NPAS3: variants seen among roughly 807,000 people sequenced by gnomAD.
NPAS3 encodes neuronal PAS domain-containing protein 3.
Under a neutral mutation model 73.1 loss-of-function variants are expected in NPAS3, and 14 were observed. That is an observed-to-expected ratio of 0.19 (90% CI 0.13 to 0.30). The LOEUF (loss-of-function observed/expected upper bound fraction) is 0.30, where lower values mean the gene tolerates loss of function less well. Ranked by LOEUF, NPAS3 falls within the 10% of genes least tolerant of loss-of-function variation. NPAS3 has a pLI of 1.00. For synonymous variants in NPAS3, 620 were observed against 541.5 expected (o/e 1.14, Z -2.01); for missense variants, 1,096 against 1,250.0 (o/e 0.88, Z 1.86).
At chr14:33,000,082 G>C (rs748072392) in intron 1 of NPAS3, among the ~76,000 whole-genome samples, 5 of 152,184 alleles carry the variant, frequency 3.3e-5, no homozygotes, top group Non-Finnish European at 5.9e-5. Flanking sequence ...ATGCCATATG[G>C]AGTTGAGTTT....
chr14:33,163,855 A>G (rs1468596545), intron 2 of NPAS3, among the ~76,000 whole-genome samples: 2 of 152,190 alleles, frequency 1.3e-5, no homozygotes, highest in Non-Finnish European at 2.9e-5. Context: ...CAGAGCTAAT[A>G]CTGAGCTGTT....
intron 5 of NPAS3, among the ~76,000 whole-genome samples, chr14:33,672,154 G>C (rs933290373): frequency 1.3e-5 from 2 of 152,150 alleles, no homozygotes; most frequent in African/African-American, 4.8e-5. Context: ...AGTGGGTTAT[G>C]AAAGACAGAC....
chr14:33,228,687 G>A (rs533437788), intron 3 of NPAS3, among the ~76,000 whole-genome samples: 3 of 152,182 alleles, frequency 2.0e-5, no homozygotes, highest in Admixed American at 2.0e-4. Flanking sequence ...GGGGAAAAAA[G>A]CGAACCATCT....
chr14:33,396,848 A>G (rs2047245253), intron 4 of NPAS3, among the ~76,000 whole-genome samples: 1 of 152,120 alleles, frequency 6.6e-6, no homozygotes, highest in African/African-American at 2.4e-5. Flanking sequence ...TGTCCATGAA[A>G]ACTAGCTCTA....
chr14:32,938,467 G>GAAAT (rs1305801220), upstream of NPAS3, among the ~76,000 whole-genome samples: 1 of 123,908 alleles, frequency 8.1e-6, no homozygotes, highest in Non-Finnish European at 1.8e-5. Flanking sequence ...AAGAGAGAGA[G>GAAAT]AGAGAGAGAG....
At position 33,163,138 on chromosome 14, in the gene NPAS3, T is replaced by C. The variant is rs138123398; in HGVS notation, c.141-52044T>C. Among the ~76,000 whole-genome samples, 5 of 152,376 alleles carry C rather than the reference T, an allele frequency of 3.3e-5. No individual in the cohort carries two copies. The East Asian group carries it at 9.6e-4, about 29-fold the overall frequency. Reference sequence around the variant, plus strand: ...ATTCATTATTTAATCTTATTTTGCTTTGTTCAGACAAGCTATCTGGGCTAT... The same window carrying C: ...ATTCATTATTTAATCTTATTTTGCTCTGTTCAGACAAGCTATCTGGGCTAT... On this transcript the variant is annotated intron_variant, in intron 2 of 11. Transcript: ENST00000356141.
At chr14:33,171,346 T>G (rs139283355) in intron 2 of NPAS3, among the ~76,000 whole-genome samples, 2 of 152,198 alleles carry the variant, frequency 1.3e-5, no homozygotes, top group East Asian at 3.8e-4. Context: ...TTAATGGCCC[T>G]AGGATTTTCA....
intron 2 of NPAS3, among the ~76,000 whole-genome samples, chr14:33,059,487 G>A (rs1347020974): frequency 3.9e-5 from 6 of 152,108 alleles, no homozygotes; most frequent in African/African-American, 1.4e-4. Context: ...GGTATATAGT[G>A]TTTTAAAAAA....
downstream of NPAS3, chr14:33,801,150 G>T: frequency 6.5e-7 from 1 of 1,540,734 alleles, no homozygotes. Flanking sequence ...CCGCTTGGAG[G>T]AGGCATCGTC....
intron 3 of NPAS3, among the ~76,000 whole-genome samples, chr14:33,338,718 AT>A (rs1396722166): frequency 6.6e-6 from 1 of 152,184 alleles, no homozygotes. Context: ...ATACTATTTA[AT>A]GCATCTTAAA....
Position 33,586,981 on chromosome 14 carries a change from C to T in NPAS3, c.558+26771C>T, listed in dbSNP as rs375353487. ...TGCACAGTGAGAGTTCCGTGATAATCCGAGGACCGGCTCCCCAAACAAGGA... is the reference window on the plus strand; with the variant it reads ...TGCACAGTGAGAGTTCCGTGATAATTCGAGGACCGGCTCCCCAAACAAGGA... On this transcript the variant is annotated intron_variant, in intron 5 of 11. Coordinates refer to ENST00000356141, the Ensembl canonical transcript of NPAS3. Among the ~76,000 whole-genome samples the T allele has an allele frequency of 5.3e-5, 8 of 152,248 alleles. No homozygotes were observed. The South Asian group carries it at 8.3e-4, about 16-fold the overall frequency.
exon 12 of NPAS3, chr14:33,799,832 AACG>A (rs1189377248): frequency 3.7e-6 from 6 of 1,614,004 alleles, no homozygotes; most frequent in Non-Finnish European, 4.2e-6. Context: ...CGCGTGTGAC[AACG>A]ACATGAACTG....
chr14:32,975,984 C>T (rs1477277667), intron 1 of NPAS3, among the ~76,000 whole-genome samples: 1 of 151,848 alleles, frequency 6.6e-6, no homozygotes, highest in African/African-American at 2.4e-5. Context: ...CCTTGGGGAC[C>T]ACAACTATGA....
At chr14:33,184,548 A>G (rs1290188878) in intron 2 of NPAS3, among the ~76,000 whole-genome samples, 2 of 152,188 alleles carry the variant, frequency 1.3e-5, no homozygotes, top group Non-Finnish European at 2.9e-5. Flanking sequence ...ATTACAGTGA[A>G]GAGAAAGGAT....
At chr14:33,709,155 A>C (rs2060746225) in intron 6 of NPAS3, among the ~76,000 whole-genome samples, 2 of 152,240 alleles carry the variant, frequency 1.3e-5, no homozygotes, top group Non-Finnish European at 2.9e-5. Context: ...CCTGCGGCAC[A>C]TAACTGAAGC....
chr14:33,427,170 A>T (rs2048588227), intron 4 of NPAS3, among the ~76,000 whole-genome samples: 1 of 152,026 alleles, frequency 6.6e-6, no homozygotes, highest in African/African-American at 2.4e-5. Flanking sequence ...TTAAGATTTT[A>T]TTTTTATGAA....
chr14:33,366,488 A>C (rs1384972466), intron 3 of NPAS3, among the ~76,000 whole-genome samples: 1 of 152,144 alleles, frequency 6.6e-6, no homozygotes, highest in African/African-American at 2.4e-5. Context: ...CTTAGTGAGA[A>C]AACAGGAGTG....
intron 5 of NPAS3, among the ~76,000 whole-genome samples, chr14:33,617,716 A>G (rs906634452): frequency 2.0e-5 from 3 of 152,214 alleles, no homozygotes; most frequent in Non-Finnish European, 4.4e-5. Context: ...GTAGTAAATC[A>G]CAGCGATCAA....
intron 5 of NPAS3, among the ~76,000 whole-genome samples, chr14:33,659,063 T>G (rs1319299723): frequency 6.6e-6 from 1 of 152,230 alleles, no homozygotes; most frequent in Non-Finnish European, 1.5e-5. Context: ...ACTTGCTCAT[T>G]CGTTCAATTA....
Sources: allele counts gnomAD v4.1 joint callset (sites outside exome capture counted in the v4.1 genomes callset), GRCh38; gene constraint gnomAD v4.1.1; transcripts MANE v1.5; gene names NCBI Gene and HGNC (gene_info 2026-07-23, HGNC 2026-07-21).